ASIC2: variants seen among roughly 807,000 people sequenced by gnomAD.
ASIC2 encodes acid-sensing ion channel 2.
Under a neutral mutation model 57.3 loss-of-function variants are expected in ASIC2, and 25 were observed. That is an observed-to-expected ratio of 0.44 (90% CI 0.32 to 0.61). The LOEUF is 0.61. ASIC2 is among the 20% of genes least tolerant of loss of function. The pLI is 0.06. For synonymous variants in ASIC2, 319 were observed against 307.5 expected, an observed-to-expected ratio of 1.04 and a Z score of -0.39; for missense variants, 641 against 738.1, an observed-to-expected ratio of 0.87 and a Z score of 1.52.
chr17:34,022,108 T>C (rs545026335), intron 1 of ASIC2, among the ~76,000 whole-genome samples: 4 of 152,012 alleles, frequency 2.6e-5, no homozygotes, highest in African/African-American at 4.8e-5. Flanking sequence ...AAGTGGGGGG[T>C]TGGTATTTTT....
chr17:33,995,346 A>G (rs1334164598), intron 1 of ASIC2, among the ~76,000 whole-genome samples: 1 of 152,114 alleles, frequency 6.6e-6, no homozygotes, highest in Non-Finnish European at 1.5e-5. Context: ...AAGGCTTGAG[A>G]CCTGGAACCT....
intron 1 of ASIC2, among the ~76,000 whole-genome samples, chr17:33,126,479 TTGTCTGAA>T (rs2092323574): frequency 6.6e-6 from 1 of 151,904 alleles, no homozygotes; most frequent in Non-Finnish European, 1.5e-5. Flanking sequence ...TTCTGAGGGG[TTGTCTGAA>T]GGATCAAATG....
At chr17:33,959,218 T>C (rs1261129235) in intron 1 of ASIC2, among the ~76,000 whole-genome samples, 1 of 152,226 alleles carries the variant, frequency 6.6e-6, no homozygotes, top group African/African-American at 2.4e-5. Flanking sequence ...CATTTTCCTA[T>C]CTTCTTCAGA....
chr17:33,763,303 A>G (rs1413410378), intron 1 of ASIC2, among the ~76,000 whole-genome samples: 1 of 152,206 alleles, frequency 6.6e-6, no homozygotes, highest in Admixed American at 6.5e-5. Context: ...TGGAGGAAGA[A>G]CACAGCTTTA....
At chr17:33,668,905 T>C (rs1907563351) in intron 1 of ASIC2, among the ~76,000 whole-genome samples, 1 of 152,178 alleles carries the variant, frequency 6.6e-6, no homozygotes, top group Non-Finnish European at 1.5e-5. Flanking sequence ...ATGCTGCCAG[T>C]GTAGAAGAAG....
intron 1 of ASIC2, among the ~76,000 whole-genome samples, chr17:33,907,185 C>G (rs2141956926): frequency 6.6e-6 from 1 of 152,236 alleles, no homozygotes; most frequent in Non-Finnish European, 1.5e-5. Flanking sequence ...AAGCGGAGGT[C>G]CTGTTTTATG....
chr17:33,820,228 T>C (rs1912705076), intron 1 of ASIC2, among the ~76,000 whole-genome samples: 3 of 152,236 alleles, frequency 2.0e-5, no homozygotes, highest in Admixed American at 1.3e-4. Flanking sequence ...TGGAACAAGT[T>C]GATATGTGAA....
intron 1 of ASIC2, among the ~76,000 whole-genome samples, chr17:33,453,284 GAA>G (rs3057620): frequency 0.45 from 58,714 of 129,426 alleles, 12,168 homozygotes; most frequent in East Asian, 0.6. Context: ...CAAAGCAGGT[GAA>G]AAAAAAAAAA....
In ASIC2 at chr17:33,912,702, G is replaced by A. The variant is rs528861430; in HGVS notation, c.555+243276C>T. Among the ~76,000 whole-genome samples, 21 of 126,142 alleles carry A rather than the reference G, an allele frequency of 1.7e-4. No individual in the cohort carries two copies. In the South Asian group the frequency reaches 2.3e-3, roughly 14 times the overall value. 82.8% of individuals were successfully genotyped at this position (126,142 alleles called of 152,430 possible). A position where few individuals can be genotyped will look rare whatever the true frequency, so the allele number is the denominator to read the frequency against. On this transcript the variant is annotated intron_variant, in intron 1 of 9. Coordinates refer to the ASIC2 transcript ENST00000359872. ...ATTTTAAAAATTATAGACTAGGGCCGGGTGAGGTGTCTCACGCCTGTAATC... is the reference window on the plus strand; with the variant it reads ...ATTTTAAAAATTATAGACTAGGGCCAGGTGAGGTGTCTCACGCCTGTAATC...
intron 1 of ASIC2, chr17:34,118,784 T>C (rs1911505630): frequency 6.6e-6 from 1 of 152,212 alleles, no homozygotes; most frequent in Non-Finnish European, 1.5e-5. Flanking sequence ...TTGTGAGATG[T>C]CCAGACTGTT....
At position 34,032,030 on chromosome 17, in the gene ASIC2, C is replaced by G. The variant is rs1003881577; in HGVS notation, c.555+123948G>C. 2.6e-5 allele frequency among the ~76,000 whole-genome samples: 4 copies of G among 152,186 alleles called. No homozygotes were observed. In the East Asian group the frequency reaches 7.7e-4, roughly 29 times the overall value. On this transcript the variant is annotated intron_variant, in intron 1 of 9. Coordinates refer to the ASIC2 transcript ENST00000359872. ...CAGAGAATGCCACAAAGATACTCCT[C>G]GAGAAGAGCAACTCCAAGACACATA...
Position 33,336,163 on chromosome 17 carries a change from C to A in ASIC2, c.556-224096G>T, listed in dbSNP as rs143510057. On this transcript the variant is annotated intron_variant, in intron 1 of 9. Coordinates refer to the ASIC2 transcript ENST00000359872. ...TTGGATGCTCCCCTCACCCCAGGAT[C>A]TCTGAATTATTTCAAAACTTTAAAA... Among the ~76,000 whole-genome samples the A allele has an allele frequency of 3.3e-3, 509 of 152,084 alleles. 1 individual carries two copies. Among genetic ancestry groups the A allele is most frequent in the African/African-American group, 0.011 (467 of 41,492 alleles).
At chr17:34,107,748 T>C (rs756789574) in intron 1 of ASIC2, among the ~76,000 whole-genome samples, 10 of 152,230 alleles carry the variant, frequency 6.6e-5, no homozygotes, top group Non-Finnish European at 1.5e-4. Context: ...CAGCTAGTTA[T>C]GGTATTAATT....
intron 1 of ASIC2, among the ~76,000 whole-genome samples, chr17:34,066,661 C>T (rs575529951): frequency 6.6e-6 from 1 of 152,314 alleles, no homozygotes; most frequent in South Asian, 2.1e-4. Flanking sequence ...TTGTCCATGA[C>T]ATCTATCATG....
At chr17:33,065,462 A>G (rs963110919) in intron 3 of ASIC2, among the ~76,000 whole-genome samples, 7 of 152,018 alleles carry the variant, frequency 4.6e-5, no homozygotes, top group Admixed American at 4.6e-4. Context: ...GGTGCACACC[A>G]CCACATCTGG....
chr17:34,090,284 C>A (rs941651658), intron 1 of ASIC2, among the ~76,000 whole-genome samples: 17 of 152,258 alleles, frequency 1.1e-4, no homozygotes, highest in Non-Finnish European at 1.9e-4. Flanking sequence ...TTCCCAAATG[C>A]CTGTAGGAGA....
chr17:33,833,602 C>G (rs905016245), intron 1 of ASIC2, among the ~76,000 whole-genome samples: 1 of 151,808 alleles, frequency 6.6e-6, no homozygotes, highest in Non-Finnish European at 1.5e-5. Context: ...ATTGTGTATC[C>G]CCCATCAAAT....
chr17:33,821,886 T>A (rs1342162175), intron 1 of ASIC2, among the ~76,000 whole-genome samples: 2 of 152,154 alleles, frequency 1.3e-5, no homozygotes, highest in Non-Finnish European at 2.9e-5. Context: ...CCTGGAGGTA[T>A]AACAGTGAGC....
chr17:33,433,808 A>G (rs953321950), intron 1 of ASIC2, among the ~76,000 whole-genome samples: 3 of 152,118 alleles, frequency 2.0e-5, no homozygotes, highest in African/African-American at 4.8e-5. Context: ...AATAATCTGT[A>G]CAAAAAATCT....
Sources: gnomAD v4.1 joint callset for allele counts (sites outside exome capture counted in the v4.1 genomes callset) on GRCh38, gnomAD v4.1.1 for gene constraint, MANE v1.5 for transcripts, NCBI Gene and HGNC (gene_info 2026-07-23, HGNC 2026-07-21) for gene names.